Variants in CHST11 observed in about 807,000 individuals in gnomAD.
CHST11 encodes the protein C4S-1.
Under a neutral mutation model 30.4 loss-of-function variants are expected in CHST11, and 9 were observed. The ratio of observed to expected loss-of-function variants is 0.30; its 90% CI spans 0.18 to 0.52. CHST11 has a LOEUF of 0.52. Ranked by LOEUF, CHST11 falls within the 20% of genes least tolerant of loss-of-function variation. The probability of loss-of-function intolerance (pLI) is 0.97; values close to 1 mark genes in which losing one functional copy is unlikely to be tolerated. For synonymous variants in CHST11, 152 were observed against 187.8 expected (o/e 0.81, Z 1.56); for missense variants, 348 against 460.6 (o/e 0.76, Z 2.24).
chr12:104,625,039 T>C, intron 2 of CHST11, among the ~76,000 whole-genome samples: 1 of 152,236 alleles, frequency 6.6e-6, no homozygotes, highest in East Asian at 1.9e-4. Flanking sequence ...CATTGGAGGA[T>C]AGAGCTTCAA....
chr12:104,684,676 T>A (rs1423554328), intron 2 of CHST11, among the ~76,000 whole-genome samples: 1 of 152,112 alleles, frequency 6.6e-6, no homozygotes, highest in African/African-American at 2.4e-5. Context: ...GCTTCACAAG[T>A]AGCTGGGATT....
At chr12:104,494,704 A>G (rs2037782878) in intron 1 of CHST11, among the ~76,000 whole-genome samples, 1 of 152,176 alleles carries the variant, frequency 6.6e-6, no homozygotes. Flanking sequence ...GTGCGGGCTC[A>G]CTGATTGACT....
chr12:104,689,685 A>G (rs1300659848), intron 2 of CHST11, among the ~76,000 whole-genome samples: 2 of 152,160 alleles, frequency 1.3e-5, no homozygotes, highest in Non-Finnish European at 2.9e-5. Flanking sequence ...TCCTTTAACA[A>G]TGGAGAGATT....
chr12:104,499,599 A>G (rs562465376), intron 1 of CHST11, among the ~76,000 whole-genome samples: 1 of 152,324 alleles, frequency 6.6e-6, no homozygotes, highest in East Asian at 1.9e-4. Flanking sequence ...CTGGTGGGTC[A>G]TGAGTGGAAA....
At chr12:104,609,327 A>G (rs2039036513) in intron 2 of CHST11, among the ~76,000 whole-genome samples, 1 of 152,230 alleles carries the variant, frequency 6.6e-6, no homozygotes, top group Admixed American at 6.5e-5. Context: ...GCTGGCAAAG[A>G]TGAAATATTA....
chr12:104,624,246 C>T (rs1162784179), intron 2 of CHST11, among the ~76,000 whole-genome samples: 2 of 152,014 alleles, frequency 1.3e-5, no homozygotes, highest in Non-Finnish European at 2.9e-5. Flanking sequence ...GGTGCATAAT[C>T]GGCAGGAGAA....
At chr12:104,574,856 AT>A (rs771116224) in intron 1 of CHST11, among the ~76,000 whole-genome samples, 3,337 of 143,096 alleles carry the variant, frequency 0.023, 61 homozygotes, top group Middle Eastern at 0.041. Flanking sequence ...TTAAAGTATA[AT>A]TAAAAAAAAA....
At chr12:104,531,965 G>T (rs1185747442) in intron 1 of CHST11, among the ~76,000 whole-genome samples, 1 of 152,136 alleles carries the variant, frequency 6.6e-6, no homozygotes, top group Non-Finnish European at 1.5e-5. Flanking sequence ...GAGGCTAGAG[G>T]GATTAAGTCA....
intron 1 of CHST11, among the ~76,000 whole-genome samples, chr12:104,524,453 C>T (rs1020882137): frequency 1.3e-5 from 2 of 152,164 alleles, no homozygotes; most frequent in Non-Finnish European, 2.9e-5. Context: ...AGAAAACAGA[C>T]ATAGACACGT....
At chr12:104,751,770 C>G (rs2040433547) in intron 2 of CHST11, among the ~76,000 whole-genome samples, 1 of 152,216 alleles carries the variant, frequency 6.6e-6, no homozygotes, top group South Asian at 2.1e-4. Flanking sequence ...GTAGGTGGTA[C>G]TATCCCCATT....
intron 1 of CHST11, among the ~76,000 whole-genome samples, chr12:104,596,558 A>G (rs1338717402): frequency 7.5e-6 from 1 of 133,182 alleles, no homozygotes; most frequent in Non-Finnish European, 1.6e-5. Context: ...AAATAAACAG[A>G]CGTGGGTTGT....
intron 2 of CHST11, among the ~76,000 whole-genome samples, chr12:104,723,777 G>C (rs747952331): frequency 2.0e-5 from 3 of 152,248 alleles, no homozygotes; most frequent in Non-Finnish European, 4.4e-5. Context: ...AGAAGACCGA[G>C]CGATTGGACT....
chr12:104,658,375 T>A (rs889594299), intron 2 of CHST11, among the ~76,000 whole-genome samples: 1 of 152,222 alleles, frequency 6.6e-6, no homozygotes, highest in Non-Finnish European at 1.5e-5. Context: ...TCCTTGTGTC[T>A]CTGTGCAAAT....
intron 2 of CHST11, among the ~76,000 whole-genome samples, chr12:104,751,033 G>A (rs1462013943): frequency 6.6e-6 from 1 of 152,120 alleles, no homozygotes; most frequent in Non-Finnish European, 1.5e-5. Context: ...TTAAACTGCT[G>A]TGGAGAAGAA....
At chr12:104,463,563 C>T (rs1689278050) in intron 1 of CHST11, among the ~76,000 whole-genome samples, 1 of 152,196 alleles carries the variant, frequency 6.6e-6, no homozygotes, top group South Asian at 2.1e-4. Flanking sequence ...ATACATACAT[C>T]TCTGCCTTCA....
intron 2 of CHST11, among the ~76,000 whole-genome samples, chr12:104,646,149 A>G (rs2039427895): frequency 6.6e-6 from 1 of 151,250 alleles, no homozygotes; most frequent in Non-Finnish European, 1.5e-5. Flanking sequence ...CATATCCTCT[A>G]TTCCACTTTC....
chr12:104,527,844 C>T (rs950968579), intron 1 of CHST11, among the ~76,000 whole-genome samples: 4 of 152,050 alleles, frequency 2.6e-5, no homozygotes, highest in Non-Finnish European at 4.4e-5. Flanking sequence ...ACAATCATGG[C>T]GGAAGGTGAA....
intron 2 of CHST11, among the ~76,000 whole-genome samples, chr12:104,628,089 C>A (rs568714614): frequency 6.6e-6 from 1 of 152,184 alleles, no homozygotes. Flanking sequence ...TCCCCTTCCC[C>A]GCTGCCTGGC....
intron 2 of CHST11, among the ~76,000 whole-genome samples, chr12:104,637,649 G>T (rs2039338598): frequency 6.6e-6 from 1 of 152,140 alleles, no homozygotes; most frequent in Non-Finnish European, 1.5e-5. Flanking sequence ...ACTAGCCCCT[G>T]CCTGCCTTCC....
Sources: allele counts gnomAD v4.1 joint callset (sites outside exome capture counted in the v4.1 genomes callset), GRCh38; gene constraint gnomAD v4.1.1; transcripts MANE v1.5; gene names NCBI Gene and HGNC (gene_info 2026-07-23, HGNC 2026-07-21).